The following POLR3E variants were observed in gnomAD, a reference collection of about 807,000 sequenced individuals.
POLR3E encodes RNA polymerase III subunit E.
Under a neutral mutation model 96.6 loss-of-function variants are expected in POLR3E, and 41 were observed. That is an observed-to-expected ratio of 0.42 (90% CI 0.33 to 0.55). The LOEUF (loss-of-function observed/expected upper bound fraction) is 0.55, where lower values mean the gene tolerates loss of function less well. POLR3E is among the 20% of genes least tolerant of loss of function. POLR3E has a pLI of 0.06. For missense variants in POLR3E, 849 were observed against 952.1 expected (o/e 0.89, Z 1.43); for synonymous variants, 396 against 383.6 (o/e 1.03, Z -0.38).
intron 15 of POLR3E, 44 bp from the exon 16 acceptor site, chr16:22,324,459 G>T (rs545977719): frequency 6.2e-7 from 1 of 1,610,572 alleles, no homozygotes; most frequent in South Asian, 1.1e-5. Flanking sequence ...CTGCTGGAGG[G>T]GAGGGGGCTG....
chr16:22,329,381 G>A (rs1406646780), intron 19 of POLR3E, among the ~76,000 whole-genome samples: 1 of 152,200 alleles, frequency 6.6e-6, no homozygotes, highest in Non-Finnish European at 1.5e-5. Context: ...GGAAGCAGCA[G>A]CGCCTTGCGT....
Position 22,334,980 on chromosome 16 carries a change from G to C in POLR3E, c.*1280G>C, listed in dbSNP as rs2048819944. The C allele has an allele frequency of 6.6e-6, 1 of 152,180 alleles. No individual in the cohort carries two copies. Among genetic ancestry groups the C allele is most frequent in the African/African-American group, 2.4e-5 (1 of 41,448 alleles). 9.4% of individuals were successfully genotyped at this position (152,180 alleles called of 1,614,324 possible). The stretch of plus-strand genomic sequence containing the variant: ...ATATTTTAGCTATAGAATCACTAAG[G>C]CATTGATCAAGGATGTACTTTGCCA... On this transcript the variant is annotated 3_prime_UTR_variant, in exon 21 of 21. Coordinates refer to ENST00000299853, the MANE Select transcript of POLR3E (RefSeq NM_018119.4).
intron 19 of POLR3E, chr16:22,329,132 A>G (rs2048679445): frequency 6.3e-6 from 1 of 159,022 alleles, no homozygotes; most frequent in Admixed American, 6.1e-5. Context: ...TTCAGTAGGT[A>G]TGCGGTACTG....
intron 1 of POLR3E, among the ~76,000 whole-genome samples, chr16:22,299,410 CTTTTTTTTTTTTT>C (rs34579812): frequency 8.5e-6 from 1 of 117,364 alleles, no homozygotes; most frequent in Non-Finnish European, 1.7e-5. Flanking sequence ...ATATGATTTA[CTTTTTTTTTTTTT>C]TTTTTTTTGA....
chr16:22,318,709 G>A lies in POLR3E; in HGVS notation c.866-117G>A. On this transcript the variant is annotated intron_variant, in intron 12 of 20. Coordinates refer to ENST00000299853, the MANE Select transcript of POLR3E (RefSeq NM_018119.4). The surrounding 1 kb of genome is among the most constrained non-coding windows in gnomAD (Gnocchi z 5.0). ...GTTGGCTATGATGGGTGTCATTACT[G>A]TTAGTTATCACATTCTGGGGTTATT... 2 of 1,083,802 alleles carry A rather than the reference G, an allele frequency of 1.8e-6. No individual in the cohort carries two copies. The highest frequency in any genetic ancestry group is 1.4e-5 in the South Asian group (1 of 69,324). The allele number at this position is 1,083,802 out of a possible 1,614,324, so 67.1% of individuals were successfully genotyped here. A position where few individuals can be genotyped will look rare whatever the true frequency, so the allele number is the denominator to read the frequency against.
chr16:22,303,520 T>G (rs998473802), intron 2 of POLR3E, among the ~76,000 whole-genome samples: 1 of 152,042 alleles, frequency 6.6e-6, no homozygotes, highest in African/African-American at 2.4e-5. Context: ...CACTGTGTGC[T>G]GGGGGCTGTG....
intron 13 of POLR3E, among the ~76,000 whole-genome samples, chr16:22,320,870 A>G (rs574254094): frequency 6.6e-6 from 1 of 151,910 alleles, no homozygotes. Context: ...TTCCGACTTC[A>G]TTGTTTCTGT....
rs1013339734 is a variant in POLR3E, at chr16:22,318,718, C to A, written c.866-108C>A. ...GATGGGTGTCATTACTGTTAGTTATCACATTCTGGGGTTATTACATGAACT... is the reference window on the plus strand; with the variant it reads ...GATGGGTGTCATTACTGTTAGTTATAACATTCTGGGGTTATTACATGAACT... On this transcript the variant is annotated intron_variant, in intron 12 of 20. Transcript: ENST00000299853. The surrounding 1 kb of genome is among the most constrained non-coding windows in gnomAD (Gnocchi z 5.0). 1.1e-5 allele frequency: 13 copies of A among 1,194,070 alleles called. No individual in the cohort carries two copies. Among genetic ancestry groups the A allele is most frequent in the South Asian group, 4.1e-5 (3 of 72,308 alleles). 74.0% of individuals were successfully genotyped at this position (1,194,070 alleles called of 1,614,324 possible). A position where few individuals can be genotyped will look rare whatever the true frequency, so the allele number is the denominator to read the frequency against.
chr16:22,314,659 GAGTGTTTGGAAGCCC>G (rs1391602200), intron 8 of POLR3E, among the ~76,000 whole-genome samples: 1 of 152,214 alleles, frequency 6.6e-6, no homozygotes, highest in Non-Finnish European at 1.5e-5. Flanking sequence ...AGAGAGTGGT[GAGTGTTTGGAAGCCC>G]TTGAGGACCG....
At chr16:22,314,229 G>T (rs2048310095) in intron 8 of POLR3E, 101 bp downstream of exon 8, 1 of 914,224 alleles carries the variant, frequency 1.1e-6, no homozygotes, top group East Asian at 2.5e-5. Context: ...GGAGCAGACA[G>T]GGCCCATGCT....
Position 22,332,231 on chromosome 16 carries a change from G to GGTCCA in POLR3E, c.2070+47_2070+48insTCCAG, listed in dbSNP as rs767015269. 4.4e-6 allele frequency: 7 copies of GGTCCA among 1,580,852 alleles called. No individual in the cohort carries two copies. In the South Asian group the frequency reaches 7.9e-5, roughly 18 times the overall value. On this transcript the variant is annotated intron_variant, in intron 20 of 20. Transcript: ENST00000299853. The stretch of plus-strand genomic sequence containing the variant: ...ACAAACAATATCAAAGGCTCTGGAA[G>GGTCCA]GGGCTGACAGTGTGTAGAAGGGACT...
At chr16:22,329,561 T>G (rs2048693026) in intron 19 of POLR3E, among the ~76,000 whole-genome samples, 1 of 152,136 alleles carries the variant, frequency 6.6e-6, no homozygotes, top group African/African-American at 2.4e-5. Flanking sequence ...CCCAGCTGCC[T>G]CTTAGGGGAG....
Position 22,325,873 on chromosome 16 carries a change from G to C in POLR3E, c.1461G>C (p.Arg487=), listed in dbSNP as rs746797050. 1.2e-6 allele frequency: 2 copies of C among 1,611,120 alleles called. No homozygotes were observed. The highest frequency in any genetic ancestry group is 4.5e-5 in the East Asian group (2 of 44,786). The change falls in exon 18 of 21, where the codon CGG becomes CGC. Residue 487 remains arginine (R), a synonymous_variant. Transcript: ENST00000299853. ...TGCAGCGGCGGAAGGAGCAGCTGCG[G>C]GTGCCTGCGGTCCCGCCCGGTGTGC... ...RELQRRKEQL[R]VPAVPPGVRI... is the part of the protein sequence containing the mutation.
At chr16:22,328,630 G>T in intron 19 of POLR3E, 43 bp downstream of exon 19, 1 of 1,547,578 alleles carries the variant, frequency 6.5e-7, no homozygotes, top group African/African-American at 1.4e-5. Context: ...AGCCAGGGGG[G>T]TTTCCTGCAG....
At chr16:22,332,974 T>A (rs1445108582) in intron 20 of POLR3E, among the ~76,000 whole-genome samples, 1 of 143,800 alleles carries the variant, frequency 7.0e-6, no homozygotes, top group Non-Finnish European at 1.5e-5. Flanking sequence ...CCCCTTTTTT[T>A]TTTTTTTTTT....
chr16:22,314,701 T>C (rs953709789), intron 8 of POLR3E, among the ~76,000 whole-genome samples: 3 of 152,082 alleles, frequency 2.0e-5, no homozygotes, highest in Admixed American at 1.3e-4. Context: ...ACGGGCGTAA[T>C]GGACATGGAG....
chr16:22,313,533 C>T lies in POLR3E; in HGVS notation c.365-87C>T, dbSNP rs1831540091. 9 of 811,764 alleles carry T rather than the reference C, an allele frequency of 1.1e-5. No homozygotes were observed. Among genetic ancestry groups the T allele is most frequent in the South Asian group, 1.1e-4 (7 of 66,520 alleles). 50.3% of individuals were successfully genotyped at this position (811,764 alleles called of 1,614,324 possible). On this transcript the variant is annotated intron_variant, in intron 6 of 20. Coordinates refer to ENST00000299853, the MANE Select transcript of POLR3E (RefSeq NM_018119.4). This position sits in a 1 kb window ranked among gnomAD's most constrained non-coding sequence, Gnocchi z 4.1. The stretch of plus-strand genomic sequence containing the variant: ...GAATGGGAGGCGGTTTGATGGTGGG[C>T]CTAGGCCTTCACGGGACTTGGTGAC...
At position 22,308,216 on chromosome 16, in the gene POLR3E, G is replaced by A. The variant is rs770111320; in HGVS notation, c.156G>A (p.Lys52=). ...ACCTCTCAGCCAAGATCAAGCCCAA[G>A]CAGCAGAAGGTGGGGCTGCCCCCTG... is the stretch of plus-strand genomic sequence containing the variant. ...IPHLSAKIKP[K]QQKVELEMAI... Residue 52 remains lysine (K), a synonymous_variant, in exon 4 of 21, where the codon AAG becomes AAA. Transcript: ENST00000299853. 5 of 1,613,254 alleles carry A rather than the reference G, an allele frequency of 3.1e-6. No homozygotes were observed. Among genetic ancestry groups the A allele is most frequent in the Non-Finnish European group, 8.5e-7 (1 of 1,179,244 alleles).
chr16:22,298,250 G>T (rs763970780), intron 1 of POLR3E, among the ~76,000 whole-genome samples: 3 of 152,210 alleles, frequency 2.0e-5, no homozygotes, highest in Admixed American at 1.3e-4. Flanking sequence ...CCTCATCTGT[G>T]AAATAGAGAT....
Sources: allele counts gnomAD v4.1 joint callset (sites outside exome capture counted in the v4.1 genomes callset), GRCh38; gene constraint gnomAD v4.1.1; non-coding constraint Gnocchi (gnomAD v3.1); transcripts MANE v1.5; gene names NCBI Gene and HGNC (gene_info 2026-07-23, HGNC 2026-07-21).